Variants in FCRL4 observed in about 807,000 individuals in gnomAD.
The protein encoded by FCRL4 is Fc receptor-like protein 4.
A neutral mutation model predicts 64.1 loss-of-function variants in FCRL4; 43 were observed. The observed-to-expected ratio is 0.67, with a 90% CI of 0.53 to 0.87. The LOEUF (loss-of-function observed/expected upper bound fraction) is 0.87, where lower values mean the gene tolerates loss of function less well. FCRL4 is among the 40% of genes least tolerant of loss of function. The pLI, the probability that FCRL4 is intolerant of heterozygous loss-of-function variation, is 0.00. For missense variants in FCRL4, 656 were observed against 613.5 expected (o/e 1.07, Z -0.73); for synonymous variants, 253 against 239.8 (o/e 1.05, Z -0.51).
chr1:157,578,852 C>A lies in FCRL4; in HGVS notation c.1278G>T (p.Arg426Ser), dbSNP rs766495665. Residue 426 changes from arginine (R) to serine (S), a missense_variant and splice_region_variant, in exon 9 of 12, where the codon AGG becomes AGT. Coordinates refer to ENST00000271532, the MANE Select transcript of FCRL4 (RefSeq NM_031282.3). ...CTCCTGGGCCTGGAGCGGGAGGGAG[C>A]CTGTGAGACACAGAAACACATAATA... is the stretch of plus-strand genomic sequence containing the variant. The part of the protein sequence containing the change: ...SGVGFLGDET[R>S]LPPAPGPGES... 1.2e-6 allele frequency: 2 copies of A among 1,610,634 alleles called. No homozygotes were observed. Among genetic ancestry groups the A allele is most frequent in the Non-Finnish European group, 8.5e-7 (1 of 1,178,362 alleles).
rs149267640 is a variant in FCRL4 at position 157,581,766 on chromosome 1, T to G, written c.1136-122A>C. 531 of 715,606 alleles carry G rather than the reference T, an allele frequency of 7.4e-4. 9 individuals are homozygous for G. In the East Asian group the frequency reaches 0.015, roughly 20 times the overall value. The allele number at this position is 715,606 out of a possible 1,614,324, so 44.3% of individuals were successfully genotyped here. On this transcript the variant is annotated intron_variant, in intron 6 of 11. Transcript: ENST00000271532. ...GAAAAATCTAAAGGACTAGGTCTCA[T>G]AAAGACATCTTGGGCCAGGTTTTGG...
intron 6 of FCRL4, among the ~76,000 whole-genome samples, chr1:157,582,757 T>C (rs1652590182): frequency 6.6e-6 from 1 of 152,170 alleles, no homozygotes. Context: ...GTTCCACTAA[T>C]AAACAGTATT....
At position 157,589,229 on chromosome 1, in the gene FCRL4, G is replaced by T. The variant is rs1465426063; in HGVS notation, c.282C>A (p.Asn94Lys). The change falls in exon 3 of 12, where the codon AAC becomes AAA. Residue 94 changes from asparagine (N) to lysine (K), a missense_variant. Asn to Lys is a moderately conservative substitution (Grantham distance 94). Coordinates refer to ENST00000271532, the MANE Select transcript of FCRL4 (RefSeq NM_031282.3). ...CTGAAGAAAAGAGCAAGCGCACAGG[G>T]TTACTTCGTGGGGAGCCCCGGGCCT... ...RCQARGSPRSNPVRLLFSSDS... is the reference protein window; with the variant it reads ...RCQARGSPRSKPVRLLFSSDS... The T allele has an allele frequency of 6.2e-7, 1 of 1,614,134 alleles. No homozygotes were observed. The highest frequency in any genetic ancestry group is 8.5e-7 in the Non-Finnish European group (1 of 1,180,000).
chr1:157,597,625 C>G (rs1329536276), intron 1 of FCRL4, among the ~76,000 whole-genome samples: 1 of 152,218 alleles, frequency 6.6e-6, no homozygotes, highest in Non-Finnish European at 1.5e-5. Flanking sequence ...GACGTAGGGA[C>G]TGAACCTAGC....
intron 6 of FCRL4, among the ~76,000 whole-genome samples, chr1:157,582,279 T>C (rs2101677955): frequency 6.6e-6 from 1 of 152,320 alleles, no homozygotes; most frequent in African/African-American, 2.4e-5. Context: ...AATTTACTTA[T>C]TTATACAACA....
chr1:157,580,239 T>G (rs1652529274), intron 8 of FCRL4, 82 bp downstream of exon 8: 1 of 1,456,926 alleles, frequency 6.9e-7, no homozygotes, highest in Non-Finnish European at 9.6e-7. Flanking sequence ...GAGGTATAAC[T>G]TGACCTAATT....
rs901712376 is a variant in FCRL4 at position 157,598,029 on chromosome 1, C to T, written c.-85G>A. ...TTGCCAAAGCAGCACTTGCCTACACCAGCACCAGCAGTGAGCTCAGTAAGC... is the reference window on the plus strand; with the variant it reads ...TTGCCAAAGCAGCACTTGCCTACACTAGCACCAGCAGTGAGCTCAGTAAGC... On this transcript the variant is annotated 5_prime_UTR_variant, in exon 1 of 12. Coordinates refer to ENST00000271532, the MANE Select transcript of FCRL4 (RefSeq NM_031282.3). The T allele has an allele frequency of 2.2e-6, 2 of 927,058 alleles. No homozygotes were observed. Among genetic ancestry groups the T allele is most frequent in the African/African-American group, 1.6e-5 (1 of 61,800 alleles). The allele number at this position is 927,058 out of a possible 1,614,324, so 57.4% of individuals were successfully genotyped here. A position where few individuals can be genotyped will look rare whatever the true frequency, so the allele number is the denominator to read the frequency against.
rs1444206056 is a variant in FCRL4, at chr1:157,575,629, G to A, written c.1462-19C>T. On this transcript the variant is annotated intron_variant, in intron 11 of 11. Coordinates refer to ENST00000271532, the MANE Select transcript of FCRL4 (RefSeq NM_031282.3). ...AGACATCCTGAAATGGAAGAAAGAAGTGGAAACCGAGAGGGAGTGTGAGGC... is the reference window on the plus strand; with the variant it reads ...AGACATCCTGAAATGGAAGAAAGAAATGGAAACCGAGAGGGAGTGTGAGGC... 1.2e-6 allele frequency: 2 copies of A among 1,612,586 alleles called. No individual in the cohort carries two copies. Among genetic ancestry groups the A allele is most frequent in the African/African-American group, 2.7e-5 (2 of 74,884 alleles).
At chr1:157,584,522 A>G (rs1389108196) in intron 6 of FCRL4, among the ~76,000 whole-genome samples, 1 of 151,392 alleles carries the variant, frequency 6.6e-6, no homozygotes, top group Non-Finnish European at 1.5e-5. Flanking sequence ...GACAACAGAG[A>G]GAGACCCCAT....
At chr1:157,595,701 G>A (rs1222604899) in intron 2 of FCRL4, among the ~76,000 whole-genome samples, 1 of 152,230 alleles carries the variant, frequency 6.6e-6, no homozygotes, top group South Asian at 2.1e-4. Flanking sequence ...AGCAGAGTTA[G>A]GAGCTGCAAG....
rs375787307 is a variant in FCRL4, at chr1:157,596,307, G to A, written c.52+21C>T. 29 of 1,612,254 alleles carry A rather than the reference G, an allele frequency of 1.8e-5. 1 individual carries two copies. The African/African-American group carries it at 3.2e-4, about 18-fold the overall frequency. ...TTAGGGTATCTAGAGACATAAAGGA[G>A]CAAAGAAAATAAGGACTTACCAGAT... On this transcript the variant is annotated intron_variant, in intron 2 of 11. Coordinates refer to ENST00000271532, the MANE Select transcript of FCRL4 (RefSeq NM_031282.3).
intron 10 of FCRL4, among the ~76,000 whole-genome samples, chr1:157,576,129 A>G (rs530660886): frequency 1.3e-5 from 2 of 150,420 alleles, no homozygotes; most frequent in Admixed American, 6.6e-5. Flanking sequence ...TGTGAGAAAA[A>G]CTCTCTCCTA....
intron 10 of FCRL4, 48 bp from the exon 11 acceptor site, chr1:157,575,778 T>C: frequency 6.3e-7 from 1 of 1,587,644 alleles, no homozygotes. Context: ...ATGATGCACT[T>C]AGAACTCAGT....
chr1:157,588,776 G>C (rs1224658235), intron 3 of FCRL4, among the ~76,000 whole-genome samples: 1 of 152,202 alleles, frequency 6.6e-6, no homozygotes, highest in Non-Finnish European at 1.5e-5. Context: ...GGAAAACTAG[G>C]AATGAGGAAG....
rs750830176 is a variant in FCRL4 at position 157,589,300 on chromosome 1, G to C, written c.211C>G (p.Pro71Ala). 21 of 1,614,158 alleles carry C rather than the reference G, an allele frequency of 1.3e-5. No individual in the cohort carries two copies. The highest frequency in any genetic ancestry group is 1.7e-5 in the Non-Finnish European group (20 of 1,180,034). Residue 71 changes from proline to alanine, a missense_variant, in exon 3 of 12, where the codon CCA (proline) becomes GCA (alanine). Physicochemically the swap from Pro to Ala is conservative, Grantham distance 27 (BLOSUM62 -1). Transcript: ENST00000271532. ...TCCCGAACCTCGAGGGTGTTTCCTG[G>C]GGTCAGGGTCAACTTTTCTCCCCAG... The part of the protein sequence containing the change: ...HYWGEKLTLT[P>A]GNTLEVRESG...
chr1:157,578,670 T>G, intron 9 of FCRL4, 100 bp downstream of exon 9: 1 of 1,414,380 alleles, frequency 7.1e-7, no homozygotes, highest in Non-Finnish European at 1.0e-6. Flanking sequence ...TATCTGGATT[T>G]GGGACACTTT....
At chr1:157,591,663 TA>T (rs1285895427) in intron 2 of FCRL4, among the ~76,000 whole-genome samples, 1 of 152,156 alleles carries the variant, frequency 6.6e-6, no homozygotes, top group Non-Finnish European at 1.5e-5. Context: ...CTTGTGACAG[TA>T]AAATACTAAC....
chr1:157,588,021 A>G lies in FCRL4; in HGVS notation c.406T>C (p.Tyr136His), dbSNP rs756189153. The G allele has an allele frequency of 7.4e-6, 12 of 1,613,328 alleles. No homozygotes were observed. Among genetic ancestry groups the G allele is most frequent in the Non-Finnish European group, 1.0e-5 (12 of 1,179,614 alleles). The change falls in exon 4 of 12, where the codon TAT becomes CAT. Residue 136 changes from tyrosine to histidine, a missense_variant. Physicochemically the swap from Tyr to His is moderately conservative, Grantham distance 83. Coordinates refer to ENST00000271532, the MANE Select transcript of FCRL4 (RefSeq NM_031282.3). ...GAAAGAATGTTTCCATTCCAAGTATATTTCACAGCAGTCAATTTCTCTTTC... is the reference window on the plus strand; with the variant it reads ...GAAAGAATGTTTCCATTCCAAGTATGTTTCACAGCAGTCAATTTCTCTTTC... ...RRKEKLTAVK[Y>H]TWNGNILSIS...
chr1:157,578,193 C>T (rs74118681), intron 10 of FCRL4, among the ~76,000 whole-genome samples: 10,840 of 152,096 alleles, frequency 0.071, 1,294 homozygotes, highest in African/African-American at 0.25. Context: ...TTCATTCAGA[C>T]CTAAGGGAGA....
Sources: allele counts gnomAD v4.1 joint callset (sites outside exome capture counted in the v4.1 genomes callset), GRCh38; gene constraint gnomAD v4.1.1; transcripts MANE v1.5; gene names NCBI Gene and HGNC (gene_info 2026-07-23, HGNC 2026-07-21).